The following FERMT2 variants were observed in gnomAD, a reference collection of about 807,000 sequenced individuals.
FERMT2 encodes the protein FERM domain containing kindlin 2, also known as fermitin family homolog 2.
Under a neutral mutation model 82.7 loss-of-function variants are expected in FERMT2, and 15 were observed. The ratio of observed to expected loss-of-function variants is 0.18; its 90% CI spans 0.12 to 0.28. The LOEUF (loss-of-function observed/expected upper bound fraction) is 0.28, where lower values mean the gene tolerates loss of function less well. Ranked by LOEUF, FERMT2 falls within the 10% of genes least tolerant of loss-of-function variation. The probability of loss-of-function intolerance (pLI) is 1.00; values close to 1 mark genes in which losing one functional copy is unlikely to be tolerated. For synonymous variants in FERMT2, 274 were observed against 271.5 expected (o/e 1.01, Z -0.09); for missense variants, 645 against 809.4 (o/e 0.80, Z 2.46).
chr14:52,911,955 T>C (rs1217021165), intron 3 of FERMT2, among the ~76,000 whole-genome samples: 1 of 152,130 alleles, frequency 6.6e-6, no homozygotes, highest in Non-Finnish European at 1.5e-5. Flanking sequence ...TTCCTCCAAA[T>C]GGAGACCCCA....
chr14:52,874,087 A>T (rs1221693176), intron 9 of FERMT2, 90 bp downstream of exon 9: 1 of 762,774 alleles, frequency 1.3e-6, no homozygotes, highest in Non-Finnish European at 2.1e-6. Flanking sequence ...TGCGTTTGTT[A>T]GTCAAACTTA....
At chr14:52,930,187 C>G (rs1165729324) in intron 2 of FERMT2, among the ~76,000 whole-genome samples, 1 of 152,068 alleles carries the variant, frequency 6.6e-6, no homozygotes, top group East Asian at 1.9e-4. Context: ...GGCAGAGATT[C>G]CCCTAGAAAA....
At chr14:52,880,170 T>C (rs1313994519) in intron 6 of FERMT2, among the ~76,000 whole-genome samples, 1 of 152,040 alleles carries the variant, frequency 6.6e-6, no homozygotes, top group Non-Finnish European at 1.5e-5. Flanking sequence ...CGTGGGAGAA[T>C]GGCTTGAGTC....
Position 52,878,568 on chromosome 14 carries a change from G to A in FERMT2, c.963+14C>T, listed in dbSNP as rs11620916. ...TTACCGGAATAAGTCCCATTTACTA[G>A]ACCTTTCAACTACCTGCAGGGCTGC... is the stretch of plus-strand genomic sequence containing the variant. On this transcript the variant is annotated intron_variant, in intron 7 of 14. Coordinates refer to ENST00000341590, the MANE Select transcript of FERMT2 (RefSeq NM_006832.3). 6.5e-7 allele frequency: 1 copy of A among 1,531,882 alleles called. No homozygotes were observed. The highest frequency in any genetic ancestry group is 9.0e-7 in the Non-Finnish European group (1 of 1,110,978). The allele number at this position is 1,531,882 out of a possible 1,614,324, so 94.9% of individuals were successfully genotyped here. A position where few individuals can be genotyped will look rare whatever the true frequency, so the allele number is the denominator to read the frequency against.
chr14:52,942,882 ATTTTAAAAATAAAGTATGT>A (rs1296008173), intron 2 of FERMT2, among the ~76,000 whole-genome samples: 1 of 152,128 alleles, frequency 6.6e-6, no homozygotes, highest in African/African-American at 2.4e-5. Context: ...AGTAAACTAA[ATTTTAAAAATAAAGTATGT>A]GAAAAAGAAC....
intron 2 of FERMT2, among the ~76,000 whole-genome samples, chr14:52,944,632 G>C (rs1241170518): frequency 1.3e-5 from 2 of 152,130 alleles, no homozygotes; most frequent in East Asian, 3.8e-4. Flanking sequence ...AGTTCCTAGA[G>C]GAAAAACTAG....
At chr14:52,950,644 T>C in intron 1 of FERMT2, 67 bp from the exon 2 acceptor site, 1 of 1,519,074 alleles carries the variant, frequency 6.6e-7, no homozygotes, top group South Asian at 1.2e-5. Context: ...TCCCACCGAA[T>C]TCGCAGCGCC....
chr14:52,899,831 AAG>A (rs1887518266), intron 3 of FERMT2, among the ~76,000 whole-genome samples: 2 of 152,236 alleles, frequency 1.3e-5, no homozygotes, highest in Admixed American at 6.5e-5. Context: ...GCCTTGTATC[AAG>A]AAGTAATTAA....
chr14:52,927,592 T>TAAAAAAAAAAAAAAAAAAAAA (rs71125150), intron 2 of FERMT2, among the ~76,000 whole-genome samples: 4 of 33,716 alleles, frequency 1.2e-4, no homozygotes, highest in Admixed American at 4.1e-4. Flanking sequence ...CTCATCCCTA[T>TAAAAAAAAAAAAAAAAAAAAA]AAAAAAAAAA....
intron 12 of FERMT2, among the ~76,000 whole-genome samples, chr14:52,863,879 G>C (rs1885104260): frequency 6.6e-6 from 1 of 152,104 alleles, no homozygotes; most frequent in Non-Finnish European, 1.5e-5. Flanking sequence ...AAAGCATTGA[G>C]ACCATATTCA....
Position 52,861,194 on chromosome 14 carries a change from A to C in FERMT2, c.1603-729T>G. 3 of 582,816 alleles carry C rather than the reference A, an allele frequency of 5.1e-6. No individual in the cohort carries two copies. In the South Asian group the frequency reaches 7.4e-5, roughly 14 times the overall value. 36.1% of individuals were successfully genotyped at this position (582,816 alleles called of 1,614,324 possible). A position where few individuals can be genotyped will look rare whatever the true frequency, so the allele number is the denominator to read the frequency against. ...ACTACTTTAGGTAGAAACCAAGCAA[A>C]GTAAATGCAAGAATGAAAAATGAAA... On this transcript the variant is annotated intron_variant, in intron 12 of 14. Coordinates refer to ENST00000341590, the MANE Select transcript of FERMT2 (RefSeq NM_006832.3).
intron 11 of FERMT2, 28 bp from the exon 12 acceptor site, chr14:52,864,650 A>C (rs1245200820): frequency 6.3e-7 from 1 of 1,597,778 alleles, no homozygotes; most frequent in Non-Finnish European, 8.6e-7. Flanking sequence ...TGATGTGTGC[A>C]ATGTATCACG....
intron 2 of FERMT2, among the ~76,000 whole-genome samples, chr14:52,922,383 C>T (rs1180010994): frequency 1.3e-5 from 2 of 152,082 alleles, no homozygotes; most frequent in Non-Finnish European, 2.9e-5. Context: ...AGCTTGTCAG[C>T]ATGTTGGGGA....
At chr14:52,912,676 C>A (rs555770339) in intron 3 of FERMT2, among the ~76,000 whole-genome samples, 1 of 151,716 alleles carries the variant, frequency 6.6e-6, no homozygotes, top group South Asian at 2.1e-4. Context: ...TGCCCGGCTA[C>A]TTTTTGTATT....
chr14:52,895,350 C>T lies in FERMT2; in HGVS notation c.392-1923G>A, dbSNP rs146541808. Among the ~76,000 whole-genome samples, 34 of 152,294 alleles carry T rather than the reference C, an allele frequency of 2.2e-4. 2 individuals are homozygous for T. The East Asian group carries it at 6.6e-3, about 29-fold the overall frequency. ...CCACACAACTCCAGACATTCTACCC[C>T]TAGTTATTTACCCAAGAAGATGAAA... On this transcript the variant is annotated intron_variant, in intron 3 of 14. Coordinates refer to ENST00000341590, the MANE Select transcript of FERMT2 (RefSeq NM_006832.3).
chr14:52,859,880 C>T (rs530736026), intron 13 of FERMT2, 166 bp from the exon 14 acceptor site: 70 of 384,694 alleles, frequency 1.8e-4, no homozygotes, highest in South Asian at 5.1e-4. Context: ...TGCAGTGGCG[C>T]GATCTCAGCT....
chr14:52,931,693 A>G (rs1212510887), intron 2 of FERMT2, among the ~76,000 whole-genome samples: 1 of 152,262 alleles, frequency 6.6e-6, no homozygotes, highest in East Asian at 1.9e-4. Context: ...AACATTTAGT[A>G]TGTACCAAGC....
At chr14:52,883,005 C>G (rs1025617604) in intron 4 of FERMT2, among the ~76,000 whole-genome samples, 1 of 152,064 alleles carries the variant, frequency 6.6e-6, no homozygotes, top group African/African-American at 2.4e-5. Flanking sequence ...CGAGATCAGC[C>G]TGGCCAACAT....
At chr14:52,913,592 G>C (rs1467380291) in intron 3 of FERMT2, among the ~76,000 whole-genome samples, 2 of 151,882 alleles carry the variant, frequency 1.3e-5, no homozygotes, top group African/African-American at 4.8e-5. Flanking sequence ...GTAGGAGGGA[G>C]GTGGGCTTTG....
Sources: gnomAD v4.1 joint callset for allele counts (sites outside exome capture counted in the v4.1 genomes callset) on GRCh38, gnomAD v4.1.1 for gene constraint, MANE v1.5 for transcripts, NCBI Gene and HGNC (gene_info 2026-07-23, HGNC 2026-07-21) for gene names.